MARCHF3: variants seen among roughly 807,000 people sequenced by gnomAD.
MARCHF3 encodes E3 ubiquitin-protein ligase MARCHF3.
In MARCHF3, 13 loss-of-function variants were observed where a neutral mutation model predicts 24.2. The observed-to-expected ratio is 0.54, with a 90% CI of 0.35 to 0.85. The LOEUF is 0.85. MARCHF3 is among the 40% of genes least tolerant of loss of function. The pLI is 0.01. For missense variants in MARCHF3, 276 were observed against 325.0 expected, an observed-to-expected ratio of 0.85 and a Z score of 1.16; for synonymous variants, 144 against 137.3, an observed-to-expected ratio of 1.05 and a Z score of -0.34.
Position 127,023,733 on chromosome 5 carries a change from A to AAAATAAATAAAT in MARCHF3, c.-57+6605_-57+6616dup, listed in dbSNP as rs147240868. Among the ~76,000 whole-genome samples the AAAATAAATAAAT allele has an allele frequency of 4.9e-5, 7 of 141,418 alleles. No individual in the cohort carries two copies. In the East Asian group the frequency reaches 6.2e-4, roughly 13 times the overall value. 92.8% of individuals were successfully genotyped at this position (141,418 alleles called of 152,430 possible). A position where few individuals can be genotyped will look rare whatever the true frequency, so the allele number is the denominator to read the frequency against. On this transcript the variant is annotated intron_variant, in intron 1 of 4. Coordinates refer to ENST00000308660, the MANE Select transcript of MARCHF3 (RefSeq NM_178450.5). ...GTGACATAGCGAGATTCTGTCTCAA[A>AAAATAAATAAAT]AAATAAATAAATAAATAAATAAATA...
chr5:126,885,020 A>G (rs1305340208), intron 3 of MARCHF3, among the ~76,000 whole-genome samples: 1 of 152,062 alleles, frequency 6.6e-6, no homozygotes, highest in Non-Finnish European at 1.5e-5. Context: ...GCCTTTGCGC[A>G]TATTCTTTTT....
chr5:126,873,091 C>T (rs1753027991), intron 4 of MARCHF3, among the ~76,000 whole-genome samples: 1 of 152,150 alleles, frequency 6.6e-6, no homozygotes, highest in South Asian at 2.1e-4. Context: ...TTCCATGATG[C>T]TGAGAGCTGT....
chr5:127,022,005 T>A (rs1752819544), intron 1 of MARCHF3, among the ~76,000 whole-genome samples: 2 of 152,374 alleles, frequency 1.3e-5, no homozygotes, highest in Admixed American at 1.3e-4. Context: ...ATACTTGTTT[T>A]TGTTTTATAG....
Position 126,918,081 on chromosome 5 carries a change from C to T in MARCHF3, c.91G>A (p.Gly31Ser). 6.2e-7 allele frequency: 1 copy of T among 1,614,176 alleles called. No homozygotes were observed. The highest frequency in any genetic ancestry group is 8.5e-7 in the Non-Finnish European group (1 of 1,180,038). Reference sequence around the variant, plus strand: ...TGCGGCTGCCCATTCACTAGGCTGCCACAATCCTCCACCGTCTTCACCACG... The same window carrying T: ...TGCGGCTGCCCATTCACTAGGCTGCTACAATCCTCCACCGTCTTCACCACG... The part of the protein sequence containing the change: ...APVVKTVEDC[G>S]SLVNGQPQYV... Residue 31 changes from glycine (G) to serine (S), a missense_variant, in exon 2 of 5, where the codon GGC (glycine) becomes AGC (serine). Physicochemically the swap from Gly to Ser is moderately conservative, Grantham distance 56. Coordinates refer to ENST00000308660, the MANE Select transcript of MARCHF3 (RefSeq NM_178450.5).
At chr5:126,979,930 A>G (rs1355054368) in intron 1 of MARCHF3, among the ~76,000 whole-genome samples, 2 of 148,586 alleles carry the variant, frequency 1.3e-5, no homozygotes, top group African/African-American at 5.0e-5. Context: ...CCTGGGCAAC[A>G]AGAGCCAAAC....
chr5:126,880,745 T>G (rs1753314828), intron 3 of MARCHF3, among the ~76,000 whole-genome samples: 1 of 152,184 alleles, frequency 6.6e-6, no homozygotes, highest in Non-Finnish European at 1.5e-5. Flanking sequence ...GTGACCAAAT[T>G]ATAGCAAACC....
intron 1 of MARCHF3, among the ~76,000 whole-genome samples, chr5:126,976,097 G>A (rs1751186671): frequency 6.6e-6 from 1 of 152,196 alleles, no homozygotes; most frequent in Non-Finnish European, 1.5e-5. Context: ...CTATCACCCA[G>A]GGAATGACAT....
intron 3 of MARCHF3, among the ~76,000 whole-genome samples, chr5:126,906,915 G>A (rs1409742342): frequency 6.6e-6 from 1 of 151,976 alleles, no homozygotes; most frequent in Non-Finnish European, 1.5e-5. Context: ...ATGTTAGGGT[G>A]TCAATTTTGG....
At chr5:127,010,806 G>A (rs1219889279) in intron 1 of MARCHF3, among the ~76,000 whole-genome samples, 3 of 152,098 alleles carry the variant, frequency 2.0e-5, no homozygotes, top group Non-Finnish European at 2.9e-5. Context: ...TGTAATGTTG[G>A]CTACAAAAGA....
Position 126,960,367 on chromosome 5 carries a change from C to G in MARCHF3, c.-56-42140G>C, listed in dbSNP as rs191203508. ...CATGAATAAAGATTAGTTTAATAGT[C>G]ATAATGCCCCTTGGGACAATGTTTC... On this transcript the variant is annotated intron_variant, in intron 1 of 4. Transcript: ENST00000308660. Among the ~76,000 whole-genome samples, 4 of 152,194 alleles carry G rather than the reference C, an allele frequency of 2.6e-5. No homozygotes were observed. In the East Asian group the frequency reaches 7.7e-4, roughly 29 times the overall value.
At chr5:126,878,073 T>C (rs1324004487) in intron 4 of MARCHF3, 112 bp downstream of exon 4, 18 of 997,624 alleles carry the variant, frequency 1.8e-5, no homozygotes, top group Non-Finnish European at 2.7e-5. Context: ...CAATCGAAGG[T>C]CTGTTTTCTA....
intron 1 of MARCHF3, among the ~76,000 whole-genome samples, chr5:126,940,866 C>T (rs1262230566): frequency 1.3e-5 from 2 of 151,868 alleles, no homozygotes; most frequent in Non-Finnish European, 2.9e-5. Context: ...TGTTTTGAAA[C>T]AAGCATGCAA....
chr5:126,948,428 T>C (rs1461787813), intron 1 of MARCHF3, among the ~76,000 whole-genome samples: 1 of 152,206 alleles, frequency 6.6e-6, no homozygotes, highest in Non-Finnish European at 1.5e-5. Context: ...CTACTGAACA[T>C]CTACTGTGTG....
At chr5:126,945,391 T>C (rs1435094536) in intron 1 of MARCHF3, among the ~76,000 whole-genome samples, 2 of 152,200 alleles carry the variant, frequency 1.3e-5, no homozygotes, top group Non-Finnish European at 2.9e-5. Context: ...AGGGAGGCAC[T>C]TGCCACAGTT....
intron 3 of MARCHF3, among the ~76,000 whole-genome samples, chr5:126,879,354 G>A (rs1257215153): frequency 6.6e-6 from 1 of 152,088 alleles, no homozygotes; most frequent in Admixed American, 6.6e-5. Flanking sequence ...GCCTGAGGAT[G>A]GTCTTGGGGA....
intron 1 of MARCHF3, among the ~76,000 whole-genome samples, chr5:127,003,588 A>G (rs1292989808): frequency 1.3e-5 from 2 of 151,656 alleles, no homozygotes; most frequent in Non-Finnish European, 2.9e-5. Flanking sequence ...CGTCTCTACT[A>G]AAAATACAAA....
At chr5:126,878,093 T>G in intron 4 of MARCHF3, 92 bp downstream of exon 4, 118 of 1,243,832 alleles carry the variant, frequency 9.5e-5, no homozygotes, top group Non-Finnish European at 1.2e-4. Context: ...ACCGGGCAGG[T>G]GAGATGTGTT....
At chr5:126,992,766 A>ATTTTTTTTTTTTTTTTTTTTTTTTTTTT (rs757479478) in intron 1 of MARCHF3, among the ~76,000 whole-genome samples, 3 of 95,524 alleles carry the variant, frequency 3.1e-5, no homozygotes, top group African/African-American at 1.2e-4. Flanking sequence ...CATCCACGTG[A>ATTTTTTTTTTTTTTTTTTTTTTTTTTTT]TTTTTTTTTT....
At chr5:126,925,002 G>A (rs1045957012) in intron 1 of MARCHF3, among the ~76,000 whole-genome samples, 5 of 152,162 alleles carry the variant, frequency 3.3e-5, no homozygotes, top group African/African-American at 4.8e-5. Context: ...TCCATCAGGC[G>A]CTTGATGAGT....
Sources: allele counts gnomAD v4.1 joint callset (sites outside exome capture counted in the v4.1 genomes callset), GRCh38; gene constraint gnomAD v4.1.1; transcripts MANE v1.5; gene names NCBI Gene and HGNC (gene_info 2026-07-23, HGNC 2026-07-21).